The following WASF3 variants were observed in gnomAD, a reference collection of about 807,000 sequenced individuals.
The protein encoded by WASF3 is actin-binding protein WASF3.
Under a neutral mutation model 46.6 loss-of-function variants are expected in WASF3, and 11 were observed. That is an observed-to-expected ratio of 0.24 (90% CI 0.15 to 0.39). WASF3 has a LOEUF of 0.39. Ranked by LOEUF, WASF3 falls within the 10% of genes least tolerant of loss-of-function variation. WASF3 has a pLI of 1.00. For missense variants in WASF3, 576 were observed against 669.8 expected (o/e 0.86, Z 1.55); for synonymous variants, 242 against 259.7 (o/e 0.93, Z 0.65).
At chr13:26,556,976 C>CCTT (rs1461176694), upstream of WASF3, among the ~76,000 whole-genome samples, 1 of 4,304 alleles carries the variant, frequency 2.3e-4, no homozygotes, top group Non-Finnish European at 1.9e-3. Flanking sequence ...CCTTTCCTTT[C>CCTT]CTCCTTTCTT....
At chr13:26,649,603 C>G (rs1359405089) in intron 3 of WASF3, among the ~76,000 whole-genome samples, 1 of 152,200 alleles carries the variant, frequency 6.6e-6, no homozygotes, top group Non-Finnish European at 1.5e-5. Context: ...GTTGCAGAAA[C>G]TTGGTGAGTT....
intron 1 of WASF3, among the ~76,000 whole-genome samples, chr13:26,559,808 C>CTTTTTTTTTTTTT (rs770616922): frequency 9.5e-5 from 7 of 73,434 alleles, no homozygotes; most frequent in Admixed American, 2.0e-4. Flanking sequence ...TTCTTTCTTT[C>CTTTTTTTTTTTTT]TTTTTTTTTT....
intron 3 of WASF3, among the ~76,000 whole-genome samples, chr13:26,655,157 T>C (rs902401931): frequency 2.0e-5 from 3 of 152,204 alleles, no homozygotes; most frequent in African/African-American, 7.2e-5. Context: ...TTAAAAATGA[T>C]CTCTTTTTTG....
At chr13:26,628,631 C>G (rs778882004) in intron 2 of WASF3, among the ~76,000 whole-genome samples, 3 of 152,170 alleles carry the variant, frequency 2.0e-5, no homozygotes, top group Admixed American at 1.3e-4. Context: ...TCTGCCAGTA[C>G]GGAGATTCCT....
At chr13:26,605,994 C>G (rs1880783660) in intron 1 of WASF3, among the ~76,000 whole-genome samples, 1 of 152,008 alleles carries the variant, frequency 6.6e-6, no homozygotes. Context: ...TGTGTGAAAC[C>G]CTGGGATTGG....
chr13:26,609,570 A>G (rs189449146), intron 1 of WASF3: 1 of 145,340 alleles, frequency 6.9e-6, no homozygotes, highest in East Asian at 2.0e-4. Flanking sequence ...TGGTTTCATG[A>G]TGTCATTTTT....
At chr13:26,592,160 T>G (rs1025402697) in intron 1 of WASF3, among the ~76,000 whole-genome samples, 5 of 152,000 alleles carry the variant, frequency 3.3e-5, no homozygotes, top group African/African-American at 1.2e-4. Flanking sequence ...CTCTACAAAG[T>G]GATTTATTTA....
intron 7 of WASF3, 111 bp from the exon 8 acceptor site, chr13:26,680,943 T>G (rs1041552343): frequency 7.4e-7 from 1 of 1,357,858 alleles, no homozygotes; most frequent in Non-Finnish European, 1.0e-6. Flanking sequence ...CAAATTAATG[T>G]CTGATTTTTG....
intron 1 of WASF3, among the ~76,000 whole-genome samples, chr13:26,582,442 G>A (rs1338659170): frequency 2.0e-5 from 3 of 152,032 alleles, no homozygotes; most frequent in Admixed American, 6.5e-5. Context: ...TTGGGAGGCC[G>A]AGGTGGGCGG....
intron 2 of WASF3, among the ~76,000 whole-genome samples, chr13:26,636,985 C>T (rs1424744468): frequency 1.3e-5 from 2 of 152,216 alleles, no homozygotes; most frequent in Non-Finnish European, 1.5e-5. Context: ...CCTGAATCTT[C>T]ACAGGGCTTA....
the WASF3 span, among the ~76,000 whole-genome samples, chr13:26,539,369 C>G: frequency 6.6e-6 from 1 of 152,090 alleles, no homozygotes; most frequent in Non-Finnish European, 1.5e-5. Flanking sequence ...AACCAGGGAC[C>G]CAGGGAGAAA....
chr13:26,559,723 C>G (rs1190165165), intron 1 of WASF3, among the ~76,000 whole-genome samples: 1 of 151,960 alleles, frequency 6.6e-6, no homozygotes, highest in Non-Finnish European at 1.5e-5. Context: ...GAAGAGTACT[C>G]CCAGATTGTT....
chr13:26,587,648 C>T lies in WASF3; in HGVS notation c.-108-25313C>T, dbSNP rs115229893. On this transcript the variant is annotated intron_variant, in intron 1 of 9. Transcript: ENST00000335327. ...TATCTTCTTTGCTTTTTGAGTGTTG[C>T]TAGATTGAGAGCTGCTGGACAGAAT... 6.8e-3 allele frequency among the ~76,000 whole-genome samples: 1,028 copies of T among 152,166 alleles called. 16 individuals are homozygous for T. The highest frequency in any genetic ancestry group is 0.024 in the African/African-American group (981 of 41,522).
At chr13:26,554,044 C>CT (rs1879030443), upstream of WASF3, among the ~76,000 whole-genome samples, 6 of 64,802 alleles carry the variant, frequency 9.3e-5, no homozygotes, top group African/African-American at 3.8e-4. Context: ...TCTTTCTTTC[C>CT]TTCCTTCCTT....
chr13:26,560,950 A>G (rs1226094186), intron 1 of WASF3, among the ~76,000 whole-genome samples: 1 of 152,174 alleles, frequency 6.6e-6, no homozygotes, highest in East Asian at 1.9e-4. Flanking sequence ...AAAGCCTCCC[A>G]GAGGAAGCAC....
At chr13:26,684,184 CTT>C (rs1006667642) in intron 9 of WASF3, among the ~76,000 whole-genome samples, 2 of 152,098 alleles carry the variant, frequency 1.3e-5, no homozygotes, top group African/African-American at 4.8e-5. Flanking sequence ...CATTGACACA[CTT>C]TTATTTTGTC....
chr13:26,580,298 G>A (rs1331008), intron 1 of WASF3, among the ~76,000 whole-genome samples: 56,684 of 151,828 alleles, frequency 0.37, 11,063 homozygotes, highest in East Asian at 0.58. Context: ...TCCAAAAGTT[G>A]GCTTTTGTGG....
chr13:26,642,117 T>C (rs1882016665), intron 2 of WASF3, 144 bp from the exon 3 acceptor site: 8 of 771,874 alleles, frequency 1.0e-5, no homozygotes, highest in South Asian at 9.3e-5. Flanking sequence ...ATTCACTGTT[T>C]GTTGCATTTT....
rs571107652 is a variant in WASF3, at chr13:26,687,804, A to C, written c.*1959A>C. 2 of 146,012 alleles carry C rather than the reference A, an allele frequency of 1.4e-5. No homozygotes were observed. The highest frequency in any genetic ancestry group is 5.1e-5 in the African/African-American group (2 of 39,352). 9.0% of individuals were successfully genotyped at this position (146,012 alleles called of 1,614,324 possible). A position where few individuals can be genotyped will look rare whatever the true frequency, so the allele number is the denominator to read the frequency against. Reference sequence around the variant, plus strand: ...GGACTTCTGCAACTTTTAAAGTCTTACTTGTCTTTCTTGTTGCTTTTGTAT... The same window carrying C: ...GGACTTCTGCAACTTTTAAAGTCTTCCTTGTCTTTCTTGTTGCTTTTGTAT... On this transcript the variant is annotated 3_prime_UTR_variant, in exon 10 of 10. Transcript: ENST00000335327.
Sources: allele counts gnomAD v4.1 joint callset (sites outside exome capture counted in the v4.1 genomes callset), GRCh38; gene constraint gnomAD v4.1.1; transcripts MANE v1.5; gene names NCBI Gene and HGNC (gene_info 2026-07-23, HGNC 2026-07-21).